The following NEGR1 variants were observed in gnomAD, a reference collection of about 807,000 sequenced individuals.
NEGR1 encodes IgLON family member 4.
A neutral mutation model predicts 40.9 loss-of-function variants in NEGR1; 10 were observed. The observed-to-expected ratio is 0.24, with a 90% CI of 0.15 to 0.42. The LOEUF is 0.42. Among genes scored for constraint, NEGR1 ranks in the 10% least tolerant of loss-of-function variants. The pLI is 1.00. For synonymous variants in NEGR1, 185 were observed against 166.8 expected (o/e 1.11, Z -0.84); for missense variants, 352 against 438.9 (o/e 0.80, Z 1.77).
At chr1:71,878,166 G>T (rs567664927) in intron 2 of NEGR1, among the ~76,000 whole-genome samples, 1 of 152,102 alleles carries the variant, frequency 6.6e-6, no homozygotes, top group Admixed American at 6.6e-5. Context: ...AATCAAATCT[G>T]GCCAATTTCA....
intron 4 of NEGR1, among the ~76,000 whole-genome samples, chr1:71,611,701 C>T (rs910782008): frequency 8.5e-5 from 13 of 152,150 alleles, no homozygotes; most frequent in Admixed American, 6.5e-4. Flanking sequence ...TTGAAATATT[C>T]TGTGTTTTTT....
intron 1 of NEGR1, among the ~76,000 whole-genome samples, chr1:71,963,143 C>T (rs576590380): frequency 6.6e-6 from 1 of 151,878 alleles, no homozygotes; most frequent in Non-Finnish European, 1.5e-5. Flanking sequence ...ACATAATATA[C>T]TAAAAAACAG....
chr1:72,046,586 G>C (rs1348888401), intron 1 of NEGR1, among the ~76,000 whole-genome samples: 1 of 151,472 alleles, frequency 6.6e-6, no homozygotes, highest in Non-Finnish European at 1.5e-5. Context: ...GGCAGCAAAT[G>C]AAATAATCTT....
intron 2 of NEGR1, among the ~76,000 whole-genome samples, chr1:71,810,059 T>C (rs1301017899): frequency 6.6e-6 from 1 of 152,134 alleles, no homozygotes; most frequent in Non-Finnish European, 1.5e-5. Flanking sequence ...AAGCTGCTCA[T>C]GTTTGAGGAA....
chr1:71,561,685 C>T (rs759476769), intron 6 of NEGR1, among the ~76,000 whole-genome samples: 2 of 151,650 alleles, frequency 1.3e-5, no homozygotes, highest in South Asian at 4.1e-4. Context: ...CAGCTAAAGA[C>T]AACCATAAAT....
chr1:71,647,011 T>A (rs1166387250), intron 4 of NEGR1, among the ~76,000 whole-genome samples: 9 of 151,890 alleles, frequency 5.9e-5, no homozygotes, highest in African/African-American at 1.9e-4. Context: ...TCTTCATGTT[T>A]AGAAGTTGTT....
At chr1:71,413,896 T>A (rs1298671252) in intron 6 of NEGR1, among the ~76,000 whole-genome samples, 1 of 152,218 alleles carries the variant, frequency 6.6e-6, no homozygotes, top group Non-Finnish European at 1.5e-5. Context: ...ATTGCTCCAG[T>A]TTGTATTTTG....
At chr1:71,706,137 T>C (rs1653889363) in intron 3 of NEGR1, among the ~76,000 whole-genome samples, 1 of 152,234 alleles carries the variant, frequency 6.6e-6, no homozygotes, top group Non-Finnish European at 1.5e-5. Context: ...AGTCTCCGGA[T>C]GCAGCTGTGC....
At chr1:72,044,094 A>G (rs1456776755) in intron 1 of NEGR1, among the ~76,000 whole-genome samples, 1 of 151,834 alleles carries the variant, frequency 6.6e-6, no homozygotes, top group Non-Finnish European at 1.5e-5. Context: ...TGCTGTTTCT[A>G]TCATTGAAGC....
chr1:71,634,281 A>C (rs1310738790), intron 4 of NEGR1, among the ~76,000 whole-genome samples: 4 of 152,060 alleles, frequency 2.6e-5, no homozygotes, highest in Non-Finnish European at 5.9e-5. Flanking sequence ...GCCATCTCTG[A>C]TCTTAAGTAA....
At chr1:72,187,273 A>G (rs1328302861) in intron 1 of NEGR1, among the ~76,000 whole-genome samples, 2 of 151,540 alleles carry the variant, frequency 1.3e-5, no homozygotes, top group Non-Finnish European at 3.0e-5. Flanking sequence ...GTTTATCAGT[A>G]AACTTCATAT....
intron 1 of NEGR1, among the ~76,000 whole-genome samples, chr1:72,221,974 C>T (rs1429564467): frequency 6.6e-6 from 1 of 152,016 alleles, no homozygotes; most frequent in Non-Finnish European, 1.5e-5. Flanking sequence ...TCCCTAGGCC[C>T]ACCGAGGAGC....
intron 1 of NEGR1, among the ~76,000 whole-genome samples, chr1:72,114,938 A>C (rs1649524960): frequency 6.6e-6 from 1 of 151,754 alleles, no homozygotes; most frequent in Admixed American, 6.6e-5. Context: ...AACAAAGTTG[A>C]GTATTGTAAC....
chr1:71,623,034 T>C (rs1292666043), intron 4 of NEGR1, among the ~76,000 whole-genome samples: 1 of 151,968 alleles, frequency 6.6e-6, no homozygotes, highest in Non-Finnish European at 1.5e-5. Context: ...ATTATCATTG[T>C]TTAATTCTAT....
intron 6 of NEGR1, among the ~76,000 whole-genome samples, chr1:71,451,829 T>C (rs1011709837): frequency 6.6e-6 from 1 of 152,248 alleles, no homozygotes; most frequent in African/African-American, 2.4e-5. Context: ...GATAATCCTA[T>C]TGTATATTCA....
At chr1:72,037,217 G>T (rs1646911119) in intron 1 of NEGR1, among the ~76,000 whole-genome samples, 1 of 152,116 alleles carries the variant, frequency 6.6e-6, no homozygotes, top group Non-Finnish European at 1.5e-5. Flanking sequence ...ATTTCAAAGA[G>T]ATGTTGGAAT....
intron 3 of NEGR1, among the ~76,000 whole-genome samples, chr1:71,704,162 G>GTC (rs1389395552): frequency 1.8e-4 from 17 of 93,696 alleles, no homozygotes; most frequent in South Asian, 3.6e-4. Flanking sequence ...CTCTCTCTCT[G>GTC]TCACACACAC....
At chr1:72,133,294 G>A (rs74087159) in intron 1 of NEGR1, among the ~76,000 whole-genome samples, 3,431 of 152,066 alleles carry the variant, frequency 0.023, 144 homozygotes, top group African/African-American at 0.078. Flanking sequence ...TTGGTGAATT[G>A]CTAAATTTAC....
At chr1:71,579,800 AG>A (rs1193566842) in intron 6 of NEGR1, among the ~76,000 whole-genome samples, 1 of 152,082 alleles carries the variant, frequency 6.6e-6, no homozygotes, top group African/African-American at 2.4e-5. Context: ...TTTTATGACC[AG>A]GTTATATGTT....
Sources: allele counts gnomAD v4.1 joint callset (sites outside exome capture counted in the v4.1 genomes callset), GRCh38; gene constraint gnomAD v4.1.1; transcripts MANE v1.5; gene names NCBI Gene and HGNC (gene_info 2026-07-23, HGNC 2026-07-21).